The following GRID2 variants were observed in gnomAD, a reference collection of about 807,000 sequenced individuals.
GRID2 encodes the protein glutamate ionotropic receptor delta type subunit 2.
In GRID2, 33 loss-of-function variants were observed where a neutral mutation model predicts 114.8. The ratio of observed to expected loss-of-function variants is 0.29; its 90% CI spans 0.22 to 0.38. The LOEUF (loss-of-function observed/expected upper bound fraction) is 0.38. Ranked by LOEUF, GRID2 falls within the 10% of genes least tolerant of loss-of-function variation. GRID2 has a pLI of 1.00. For missense variants in GRID2, 1,184 were observed against 1,257.7 expected (o/e 0.94, Z 0.89); for synonymous variants, 505 against 449.9 (o/e 1.12, Z -1.55).
At chr4:93,432,965 G>A (rs1423980560) in intron 10 of GRID2, among the ~76,000 whole-genome samples, 1 of 152,154 alleles carries the variant, frequency 6.6e-6, no homozygotes, top group Non-Finnish European at 1.5e-5. Context: ...AGCTGTTGAG[G>A]AGGCTGAGGT....
At chr4:92,748,988 C>CTATT (rs894098243) in intron 2 of GRID2, among the ~76,000 whole-genome samples, 27 of 151,124 alleles carry the variant, frequency 1.8e-4, no homozygotes, top group Admixed American at 2.6e-4. Flanking sequence ...TGTACCATTT[C>CTATT]TATTTATTTA....
At chr4:92,803,335 A>T (rs1030689511) in intron 2 of GRID2, among the ~76,000 whole-genome samples, 2 of 152,022 alleles carry the variant, frequency 1.3e-5, no homozygotes, top group Non-Finnish European at 2.9e-5. Flanking sequence ...GATATTATAC[A>T]ATGCATATTT....
intron 2 of GRID2, among the ~76,000 whole-genome samples, chr4:92,612,454 A>C (rs2149230064): frequency 6.6e-6 from 1 of 151,524 alleles, no homozygotes; most frequent in South Asian, 2.1e-4. Flanking sequence ...TTTCATATAA[A>C]TATTGGTGTC....
chr4:92,956,057 A>T (rs2149142969), intron 2 of GRID2, among the ~76,000 whole-genome samples: 1 of 152,326 alleles, frequency 6.6e-6, no homozygotes, highest in East Asian at 1.9e-4. Context: ...ATTTAGAAAG[A>T]AAACAAAAAA....
intron 14 of GRID2, among the ~76,000 whole-genome samples, chr4:93,690,066 T>C (rs1240043842): frequency 3.3e-5 from 5 of 152,170 alleles, no homozygotes; most frequent in African/African-American, 1.2e-4. Flanking sequence ...ATATCTTCCT[T>C]TTAATGCTAT....
intron 2 of GRID2, among the ~76,000 whole-genome samples, chr4:92,770,164 C>T (rs1738471129): frequency 6.6e-6 from 1 of 152,144 alleles, no homozygotes; most frequent in South Asian, 2.1e-4. Context: ...TTCAAAGCTC[C>T]AGAAATCTCT....
chr4:92,742,835 AAAG>A (rs1425785046), intron 2 of GRID2, among the ~76,000 whole-genome samples: 1 of 152,216 alleles, frequency 6.6e-6, no homozygotes, highest in Non-Finnish European at 1.5e-5. Flanking sequence ...AATAAAATAA[AAAG>A]AAGAAAATAA....
rs1336984877 is a variant in GRID2, at chr4:92,304,686, G to C, written c.30G>C (p.Leu10Phe). 7 of 1,613,380 alleles carry C rather than the reference G, an allele frequency of 4.3e-6. No homozygotes were observed. Among genetic ancestry groups the C allele is most frequent in the African/African-American group, 1.3e-5 (1 of 74,890 alleles). The change falls in exon 1 of 16, where the codon TTG (leucine) becomes TTC (phenylalanine). Residue 10 changes from leucine to phenylalanine, a missense_variant. By Grantham distance (22) the Leu-to-Phe change is conservative. Around this residue, in one of 3 missense-constraint regions of GRID2, gnomAD observed 455 missense variants for 429.5 expected, o/e 1.06. Transcript: ENST00000282020. ...AAGTTTTCCCCTTTCTCTTGGTTTT[G>C]TCCGTCTGGTGGTCTCGAACCTGGG... MEVFPFLLV[L>F]SVWWSRTWDS...
intron 8 of GRID2, among the ~76,000 whole-genome samples, chr4:93,256,015 G>A (rs914527666): frequency 6.6e-6 from 1 of 151,926 alleles, no homozygotes; most frequent in Non-Finnish European, 1.5e-5. Flanking sequence ...TTTCTATAAG[G>A]TAAATCAATT....
intron 14 of GRID2, among the ~76,000 whole-genome samples, chr4:93,676,043 C>G (rs193088495): frequency 3.9e-5 from 6 of 152,234 alleles, no homozygotes; most frequent in Non-Finnish European, 1.5e-5. Context: ...TATGAATACA[C>G]CCGGGAAGAG....
intron 1 of GRID2, among the ~76,000 whole-genome samples, chr4:92,539,041 C>CA (rs36120695): frequency 0.051 from 5,192 of 102,010 alleles, 179 homozygotes; most frequent in African/African-American, 0.11. Context: ...GACTCCATCT[C>CA]AAAAAAAAAA....
chr4:93,688,884 T>G (rs1435904241), intron 14 of GRID2, among the ~76,000 whole-genome samples: 1 of 152,066 alleles, frequency 6.6e-6, no homozygotes, highest in African/African-American at 2.4e-5. Flanking sequence ...ACTCCTAAGT[T>G]CTCATTACTT....
chr4:93,009,225 A>T (rs1228048354), intron 2 of GRID2, among the ~76,000 whole-genome samples: 1 of 152,144 alleles, frequency 6.6e-6, no homozygotes, highest in Non-Finnish European at 1.5e-5. Context: ...AGAGAAAACA[A>T]TATACACATG....
intron 14 of GRID2, among the ~76,000 whole-genome samples, chr4:93,758,242 T>C (rs1456883474): frequency 1.3e-5 from 2 of 152,228 alleles, no homozygotes; most frequent in East Asian, 3.8e-4. Flanking sequence ...TTCCCATCTA[T>C]GAAAATGTGG....
Position 93,139,437 on chromosome 4 carries a change from A to G in GRID2, c.735+28484A>G, listed in dbSNP as rs536680539. Reference sequence around the variant, plus strand: ...ACATAATCTGCCAGGTCAGGAAACCAGGGGGGATGATGGAGGTAGATCTGG... The same window carrying G: ...ACATAATCTGCCAGGTCAGGAAACCGGGGGGGATGATGGAGGTAGATCTGG... On this transcript the variant is annotated intron_variant, in intron 4 of 15. Coordinates refer to ENST00000282020, the MANE Select transcript of GRID2 (RefSeq NM_001510.4). Among the ~76,000 whole-genome samples, 6 of 152,308 alleles carry G rather than the reference A, an allele frequency of 3.9e-5. No individual in the cohort carries two copies. The East Asian group carries it at 1.2e-3, about 29-fold the overall frequency.
At chr4:93,215,193 T>A (rs1247503198) in intron 5 of GRID2, among the ~76,000 whole-genome samples, 3 of 151,330 alleles carry the variant, frequency 2.0e-5, no homozygotes, top group African/African-American at 7.3e-5. Context: ...TGCTGTTTGA[T>A]AAAATGTTGA....
intron 13 of GRID2, among the ~76,000 whole-genome samples, chr4:93,537,660 C>A (rs969720917): frequency 6.6e-6 from 1 of 151,724 alleles, no homozygotes; most frequent in Non-Finnish European, 1.5e-5. Context: ...AAGGAAATTG[C>A]AGAAAGATAT....
chr4:92,527,416 T>G (rs1725097429), intron 1 of GRID2, among the ~76,000 whole-genome samples: 1 of 152,114 alleles, frequency 6.6e-6, no homozygotes, highest in Non-Finnish European at 1.5e-5. Flanking sequence ...ATTTAATCTG[T>G]GTTATATATA....
At chr4:93,238,327 T>G (rs1461086310) in intron 7 of GRID2, 44 bp from the exon 8 acceptor site, 5 of 1,431,756 alleles carry the variant, frequency 3.5e-6, no homozygotes, top group Admixed American at 4.2e-5. Flanking sequence ...TTATTTATTT[T>G]TTTACTTCTC....
Sources: gnomAD v4.1 joint callset for allele counts (sites outside exome capture counted in the v4.1 genomes callset) on GRCh38, gnomAD v4.1.1 for gene constraint, gnomAD v4.1.1 regional missense constraint, MANE v1.5 for transcripts, NCBI Gene and HGNC (gene_info 2026-07-23, HGNC 2026-07-21) for gene names.